LMNA: variants seen among roughly 807,000 people sequenced by gnomAD.
LMNA encodes the protein lamin A/C.
A neutral mutation model predicts 70.4 loss-of-function variants in LMNA; 20 were observed. The observed-to-expected ratio is 0.28, with a 90% CI of 0.20 to 0.41. The LOEUF (loss-of-function observed/expected upper bound fraction) is 0.41, where lower values mean the gene tolerates loss of function less well. Ranked by LOEUF, LMNA falls within the 10% of genes least tolerant of loss-of-function variation. The probability of loss-of-function intolerance (pLI) is 1.00; values close to 1 mark genes in which losing one functional copy is unlikely to be tolerated. For missense variants in LMNA, 652 were observed against 917.2 expected, an observed-to-expected ratio of 0.71 and a Z score of 3.73; for synonymous variants, 339 against 372.8, an observed-to-expected ratio of 0.91 and a Z score of 1.04.
chr1:156,133,988 C>T (rs963032128), intron 2 of LMNA, among the ~76,000 whole-genome samples: 1 of 151,926 alleles, frequency 6.6e-6, no homozygotes, highest in African/African-American at 2.4e-5. Context: ...CTATGTTGTG[C>T]CAGAGAAGGG....
rs1372189787 is a variant in LMNA, at chr1:156,134,779, C to A, written c.640-26C>A. 1.2e-6 allele frequency: 2 copies of A among 1,613,980 alleles called. No individual in the cohort carries two copies. Among genetic ancestry groups the A allele is most frequent in the Non-Finnish European group, 1.7e-6 (2 of 1,180,006 alleles). ...CAGGAACTAATTCTGATTTTGGTTT[C>A]TGTGTCCTTCCTCCAACCCTTCCAG... On this transcript the variant is annotated intron_variant, in intron 3 of 11. Coordinates refer to ENST00000368300, the MANE Select transcript of LMNA (RefSeq NM_170707.4). This position sits in a 1 kb window ranked among gnomAD's most constrained non-coding sequence, Gnocchi z 5.3.
chr1:156,130,494 T>C, intron 1 of LMNA, 123 bp from the exon 2 acceptor site: 1 of 1,055,664 alleles, frequency 9.5e-7, no homozygotes, highest in Non-Finnish European at 1.5e-6. Flanking sequence ...AATGCAAGGA[T>C]GCCCTCTCCT....
intron 3 of LMNA, among the ~76,000 whole-genome samples, chr1:156,102,437 G>A (rs1649174755): frequency 6.6e-6 from 1 of 152,196 alleles, no homozygotes; most frequent in South Asian, 2.1e-4. Flanking sequence ...CTCTGGTTAG[G>A]AGCTGTGAGC....
Position 156,115,520 on chromosome 1 carries a change from G to A in LMNA, c.356+246G>A, listed in dbSNP as rs1029536927. On this transcript the variant is annotated intron_variant, in intron 1 of 11. Transcript: ENST00000368300. The surrounding 1 kb of genome is among the most constrained non-coding windows in gnomAD (Gnocchi z 5.8). ...GGGGAGGATATAAGGAATGGTGGGG[G>A]TATCAGGGACAAGTTGGGGCTGGGG... Among the ~76,000 whole-genome samples, 1 of 152,160 alleles carries A rather than the reference G, an allele frequency of 6.6e-6. No individual in the cohort carries two copies. Among genetic ancestry groups the A allele is most frequent in the Non-Finnish European group, 1.5e-5 (1 of 68,022 alleles).
chr1:156,096,461 G>A (rs1237704523), intron 3 of LMNA, among the ~76,000 whole-genome samples: 2 of 152,250 alleles, frequency 1.3e-5, no homozygotes, highest in African/African-American at 2.4e-5. Flanking sequence ...CACAGAAAGT[G>A]CTTAATAAAT....
intron 1 of LMNA, chr1:156,082,942 T>G (rs1648323088): frequency 6.6e-6 from 1 of 151,712 alleles, no homozygotes; most frequent in African/African-American, 2.4e-5. Flanking sequence ...CCTCCCGCTC[T>G]CCCAGAGTCG....
chr1:156,138,186 C>A lies in LMNA; in HGVS notation c.1699-302C>A, dbSNP rs1385926980. On this transcript the variant is annotated intron_variant, in intron 10 of 11. Transcript: ENST00000368300. The surrounding 1 kb of genome is among the most constrained non-coding windows in gnomAD (Gnocchi z 5.5). The stretch of plus-strand genomic sequence containing the variant: ...CAATTAATAGTGCATGCCTGCTGCC[C>A]TACAAGCTTGCTCCCGTTCTCTCTT... 13 of 562,684 alleles carry A rather than the reference C, an allele frequency of 2.3e-5. No individual in the cohort carries two copies. Among genetic ancestry groups the A allele is most frequent in the Non-Finnish European group, 3.8e-5 (12 of 314,330 alleles). 34.9% of individuals were successfully genotyped at this position (562,684 alleles called of 1,614,324 possible).
Position 156,103,924 on chromosome 1 carries a change from C to T in LMNA, c.-206-10789C>T, listed in dbSNP as rs1322830726. Among the ~76,000 whole-genome samples, 1 of 152,186 alleles carries T rather than the reference C, an allele frequency of 6.6e-6. No individual in the cohort carries two copies. Among genetic ancestry groups the T allele is most frequent in the East Asian group, 1.9e-4 (1 of 5,190 alleles). On this transcript the variant is annotated intron_variant, in intron 3 of 12. Transcript: ENST00000368301. This position sits in a 1 kb window ranked among gnomAD's most constrained non-coding sequence, Gnocchi z 4.7. ...CTCTAGTGGAGTCACTCCTTTCCTT[C>T]CCCGAACCCGGCCTCAGTTCCTGGG...
chr1:156,100,377 G>T (rs1649100223), intron 3 of LMNA, among the ~76,000 whole-genome samples: 1 of 152,118 alleles, frequency 6.6e-6, no homozygotes, highest in African/African-American at 2.4e-5. Flanking sequence ...CTCCTGGAGG[G>T]ACCTGTCCTG....
chr1:156,103,703 C>T lies in LMNA; in HGVS notation c.-206-11010C>T, dbSNP rs1649217791. ...GACTAATCCTTTCCATCGGCAGTGG[C>T]ATGTCCTGCCCCTGCTGTGCCTGTG... is the stretch of plus-strand genomic sequence containing the variant. On this transcript the variant is annotated intron_variant, in intron 3 of 12. Transcript: ENST00000368301. The surrounding 1 kb of genome is among the most constrained non-coding windows in gnomAD (Gnocchi z 4.7). Among the ~76,000 whole-genome samples, 1 of 152,158 alleles carries T rather than the reference C, an allele frequency of 6.6e-6. No individual in the cohort carries two copies. Among genetic ancestry groups the T allele is most frequent in the Non-Finnish European group, 1.5e-5 (1 of 68,020 alleles).
At chr1:156,130,835 A>C (rs1221644334) in intron 2 of LMNA, 62 bp downstream of exon 2, 4 of 1,487,674 alleles carry the variant, frequency 2.7e-6, no homozygotes, top group East Asian at 2.5e-5. Context: ...TCACTCTTCT[A>C]CCTAGGCCCT....
At chr1:156,097,749 A>C (rs1487053056) in intron 3 of LMNA, among the ~76,000 whole-genome samples, 1 of 152,214 alleles carries the variant, frequency 6.6e-6, no homozygotes, top group East Asian at 1.9e-4. Context: ...GCCCTATGCG[A>C]GCCCAACACT....
Position 156,138,892 on chromosome 1 carries a change from C to A in LMNA, c.1968+135C>A, listed in dbSNP as rs1056173488. 1.5e-5 allele frequency: 20 copies of A among 1,338,850 alleles called. No individual in the cohort carries two copies. Among genetic ancestry groups the A allele is most frequent in the African/African-American group, 4.4e-5 (3 of 68,788 alleles). The allele number at this position is 1,338,850 out of a possible 1,614,324, so 82.9% of individuals were successfully genotyped here. On this transcript the variant is annotated intron_variant, in intron 11 of 11. Coordinates refer to ENST00000368300, the MANE Select transcript of LMNA (RefSeq NM_170707.4). The surrounding 1 kb of genome is among the most constrained non-coding windows in gnomAD (Gnocchi z 5.5). ...CGGGGGAGTGGGAGCCTCCTCCCCACAGCCTGAGTCCTAGACAGCCCACCT... is the reference window on the plus strand; with the variant it reads ...CGGGGGAGTGGGAGCCTCCTCCCCAAAGCCTGAGTCCTAGACAGCCCACCT...
At position 156,135,075 on chromosome 1, in the gene LMNA, A is replaced by G. The variant is rs1479534288; in HGVS notation, c.810+100A>G. 5 of 1,609,360 alleles carry G rather than the reference A, an allele frequency of 3.1e-6. No homozygotes were observed. The highest frequency in any genetic ancestry group is 4.5e-5 in the East Asian group (2 of 44,866). ...TTCTGGGGATCAGGCAGATGGTGGC[A>G]GGGAGCTCAGGGTGGCCCAGGACCT... On this transcript the variant is annotated intron_variant, in intron 4 of 11. Coordinates refer to ENST00000368300, the MANE Select transcript of LMNA (RefSeq NM_170707.4). This position sits in a 1 kb window ranked among gnomAD's most constrained non-coding sequence, Gnocchi z 4.8.
Position 156,115,073 on chromosome 1 carries a change from T to C in LMNA, c.155T>C (p.Leu52Pro), listed in dbSNP as rs267607611. The C allele has an allele frequency of 6.3e-7, 1 of 1,594,708 alleles. No individual in the cohort carries two copies. Among genetic ancestry groups the C allele is most frequent in the Non-Finnish European group, 8.5e-7 (1 of 1,170,788 alleles). The part of the protein sequence containing the change: ...LAVYIDRVRS[L>P]ETENAGLRLR... ...GTCTACATCGACCGTGTGCGCTCGCTGGAAACGGAGAACGCAGGGCTGCGC... is the reference window on the plus strand; with the variant it reads ...GTCTACATCGACCGTGTGCGCTCGCCGGAAACGGAGAACGCAGGGCTGCGC... Residue 52 changes from leucine (L) to proline (P), a missense_variant, in exon 1 of 12, where the codon CTG becomes CCG. By Grantham distance (98) the Leu-to-Pro change is moderately conservative. This residue lies in a region of LMNA where 254 missense variants were observed against 421.9 expected (regional missense o/e 0.60). Coordinates refer to ENST00000368300, the MANE Select transcript of LMNA (RefSeq NM_170707.4). The surrounding 1 kb of genome is among the most constrained non-coding windows in gnomAD (Gnocchi z 5.8).
chr1:156,135,632 C>G lies in LMNA; in HGVS notation c.937-269C>G, dbSNP rs1651503688. ...AGGTGTTAAAAGCATCAGTATTTTTCTAGTTGGCTGTGCTATTTGTGACAG... is the reference window on the plus strand; with the variant it reads ...AGGTGTTAAAAGCATCAGTATTTTTGTAGTTGGCTGTGCTATTTGTGACAG... On this transcript the variant is annotated intron_variant, in intron 5 of 11. Transcript: ENST00000368300. The surrounding 1 kb of genome is among the most constrained non-coding windows in gnomAD (Gnocchi z 4.8). 1 of 592,028 alleles carries G rather than the reference C, an allele frequency of 1.7e-6. No individual in the cohort carries two copies. Among genetic ancestry groups the G allele is most frequent in the Admixed American group, 3.0e-5 (1 of 33,654 alleles). 36.7% of individuals were successfully genotyped at this position (592,028 alleles called of 1,614,324 possible).
At chr1:156,086,735 G>A (rs935511947) in intron 2 of LMNA, among the ~76,000 whole-genome samples, 4 of 152,202 alleles carry the variant, frequency 2.6e-5, no homozygotes, top group African/African-American at 9.7e-5. Flanking sequence ...CGCCTCCTGG[G>A]TTCAAGCTAT....
chr1:156,136,787 C>A lies in LMNA; in HGVS notation c.1381-134C>A. On this transcript the variant is annotated intron_variant, in intron 7 of 11. Coordinates refer to ENST00000368300, the MANE Select transcript of LMNA (RefSeq NM_170707.4). The surrounding 1 kb of genome is among the most constrained non-coding windows in gnomAD (Gnocchi z 6.1). The stretch of plus-strand genomic sequence containing the variant: ...ATGGCTATTATCCCCGGGGGAAGGG[C>A]AGTGACAGGGGTGTGTGTAGATGGA... 1.3e-6 allele frequency: 1 copy of A among 765,210 alleles called. No homozygotes were observed. Among genetic ancestry groups the A allele is most frequent in the Non-Finnish European group, 2.3e-6 (1 of 439,794 alleles). 47.4% of individuals were successfully genotyped at this position (765,210 alleles called of 1,614,324 possible).
At chr1:156,106,844 G>A (rs1284371431) in intron 3 of LMNA, 1 of 152,318 alleles carries the variant, frequency 6.6e-6, no homozygotes, top group African/African-American at 2.4e-5. Flanking sequence ...TGACAGTTCA[G>A]GGAGCCTGAG....
Sources: allele counts gnomAD v4.1 joint callset (sites outside exome capture counted in the v4.1 genomes callset), GRCh38; gene constraint gnomAD v4.1.1; regional missense constraint gnomAD v4.1.1; non-coding constraint Gnocchi (gnomAD v3.1); transcripts MANE v1.5; gene names NCBI Gene and HGNC (gene_info 2026-07-23, HGNC 2026-07-21).